The following RARB variants were observed in gnomAD, a reference collection of about 807,000 sequenced individuals.
RARB encodes the protein retinoic acid receptor beta.
A neutral mutation model predicts 51.9 loss-of-function variants in RARB; 17 were observed. The ratio of observed to expected loss-of-function variants is 0.33; its 90% CI spans 0.22 to 0.49. The LOEUF (loss-of-function observed/expected upper bound fraction) is 0.49. Among genes scored for constraint, RARB ranks in the 20% least tolerant of loss-of-function variants. The pLI is 0.99. For synonymous variants in RARB, 215 were observed against 195.4 expected (o/e 1.10, Z -0.84); for missense variants, 369 against 550.8 (o/e 0.67, Z 3.30).
chr3:25,307,713 G>T (rs925837490), intron 5 of RARB, among the ~76,000 whole-genome samples: 4 of 152,158 alleles, frequency 2.6e-5, no homozygotes, highest in African/African-American at 9.7e-5. Context: ...TTTGGCCTCT[G>T]TCACTAGAAT....
chr3:25,033,688 C>T (rs1017613506), intron 2 of RARB, among the ~76,000 whole-genome samples: 3 of 152,164 alleles, frequency 2.0e-5, no homozygotes, highest in African/African-American at 7.2e-5. Context: ...GTGGCTGCAG[C>T]TTTATCTCTG....
chr3:25,058,941 T>TA (rs1698495039), intron 2 of RARB, among the ~76,000 whole-genome samples: 1 of 151,670 alleles, frequency 6.6e-6, no homozygotes, highest in African/African-American at 2.4e-5. Flanking sequence ...ACTTGAAAGT[T>TA]ACAAAAAAAT....
intron 3 of RARB, among the ~76,000 whole-genome samples, chr3:25,115,573 C>CTCCTT (rs952970697): frequency 6.6e-6 from 1 of 151,832 alleles, no homozygotes; most frequent in Admixed American, 6.6e-5. Flanking sequence ...CTCCCCTCCT[C>CTCCTT]TCCTTTCCTT....
intron 5 of RARB, among the ~76,000 whole-genome samples, chr3:25,220,004 C>G (rs1701911096): frequency 1.3e-5 from 2 of 152,174 alleles, no homozygotes; most frequent in South Asian, 4.2e-4. Context: ...TCCTTTTGTT[C>G]TAAAGACAGT....
At chr3:25,341,588 C>A (rs972169777) in intron 5 of RARB, among the ~76,000 whole-genome samples, 1 of 152,068 alleles carries the variant, frequency 6.6e-6, no homozygotes, top group African/African-American at 2.4e-5. Flanking sequence ...GACTGACTCT[C>A]CTATTCATCT....
At chr3:25,349,580 T>C (rs1056559430) in intron 5 of RARB, among the ~76,000 whole-genome samples, 1 of 152,160 alleles carries the variant, frequency 6.6e-6, no homozygotes, top group African/African-American at 2.4e-5. Context: ...ATTTTTCCTG[T>C]ATTTGAGATC....
chr3:25,255,245 G>A (rs1382481321), intron 5 of RARB, among the ~76,000 whole-genome samples: 1 of 152,110 alleles, frequency 6.6e-6, no homozygotes, highest in Non-Finnish European at 1.5e-5. Context: ...ATCAGATCCT[G>A]GATATTTAAT....
intron 2 of RARB, among the ~76,000 whole-genome samples, chr3:24,982,691 C>T (rs1018361639): frequency 9.9e-5 from 15 of 152,176 alleles, no homozygotes; most frequent in African/African-American, 3.6e-4. Flanking sequence ...TTTTGTTTAA[C>T]TCTCCCTCTG....
chr3:25,534,398 T>TA (rs1362117186), intron 3 of RARB, among the ~76,000 whole-genome samples: 1 of 152,206 alleles, frequency 6.6e-6, no homozygotes, highest in Non-Finnish European at 1.5e-5. Context: ...GGTCCTCAGT[T>TA]ACCTTACTGA....
At chr3:25,392,699 A>G (rs1706999921) in intron 5 of RARB, among the ~76,000 whole-genome samples, 1 of 151,978 alleles carries the variant, frequency 6.6e-6, no homozygotes, top group Admixed American at 6.6e-5. Context: ...TGGTCACTGT[A>G]GATGCATAGC....
intron 5 of RARB, among the ~76,000 whole-genome samples, chr3:25,330,280 C>G (rs1448034223): frequency 6.6e-6 from 1 of 152,084 alleles, no homozygotes; most frequent in Non-Finnish European, 1.5e-5. Context: ...TCAGGTTACC[C>G]ACAAAGGGAA....
chr3:25,035,086 T>C (rs913585770), intron 2 of RARB, among the ~76,000 whole-genome samples: 20 of 152,214 alleles, frequency 1.3e-4, no homozygotes, highest in African/African-American at 4.6e-4. Flanking sequence ...TTCAATTTAT[T>C]TAACCCTTAT....
chr3:24,959,403 C>T (rs75490149), intron 2 of RARB, among the ~76,000 whole-genome samples: 1 of 152,214 alleles, frequency 6.6e-6, no homozygotes, highest in Non-Finnish European at 1.5e-5. Flanking sequence ...CACCATCAAG[C>T]CATCCCTCTG....
intron 3 of RARB, among the ~76,000 whole-genome samples, chr3:25,554,344 G>A (rs1368680419): frequency 1.3e-5 from 2 of 152,082 alleles, no homozygotes; most frequent in East Asian, 3.9e-4. Flanking sequence ...TAACAATCAA[G>A]GACGTTTTTT....
chr3:25,257,084 G>T (rs927144499), intron 5 of RARB, among the ~76,000 whole-genome samples: 12 of 152,132 alleles, frequency 7.9e-5, no homozygotes, highest in Admixed American at 5.2e-4. Context: ...CACATTTAAA[G>T]AACATCTGCC....
chr3:25,553,530 C>T (rs1699929333), intron 3 of RARB, among the ~76,000 whole-genome samples: 1 of 152,198 alleles, frequency 6.6e-6, no homozygotes, highest in African/African-American at 2.4e-5. Context: ...TGGAAGAACT[C>T]TCTTTCACAT....
In RARB at chr3:25,106,451, G is replaced by GGTTTT. The variant is rs1575163102; in HGVS notation, c.-327-25710_-327-25709insGTTTT. On this transcript the variant is annotated intron_variant, in intron 3 of 11. Coordinates refer to the RARB transcript ENST00000383772. ...CCACCATGCCCAGCTACTGTTTTTT[G>GGTTTT]TTTTTTGTTTTTTTTTGTTTTGTTT... 8.4e-4 allele frequency among the ~76,000 whole-genome samples: 59 copies of GGTTTT among 70,520 alleles called. 7 individuals are homozygous for GGTTTT. Among genetic ancestry groups the GGTTTT allele is most frequent in the African/African-American group, 2.4e-3 (38 of 16,168 alleles). The allele number at this position is 70,520 out of a possible 152,430, so 46.3% of individuals were successfully genotyped here. A position where few individuals can be genotyped will look rare whatever the true frequency, so the allele number is the denominator to read the frequency against.
At chr3:25,417,198 T>TAAAAAAAAAA (rs35119404) in intron 5 of RARB, among the ~76,000 whole-genome samples, 1 of 141,610 alleles carries the variant, frequency 7.1e-6, no homozygotes. Context: ...AAAAACCAAT[T>TAAAAAAAAAA]AAAAAAAAAA....
chr3:25,081,586 CATATATATATATATAT>C (rs1161956011), intron 3 of RARB, among the ~76,000 whole-genome samples: 1,181 of 19,632 alleles, frequency 0.06, 122 homozygotes, highest in Middle Eastern at 0.11. Context: ...GCTTCATATA[CATATATATATATATAT>C]ATATATATAT....
Sources: gnomAD v4.1 joint callset for allele counts (sites outside exome capture counted in the v4.1 genomes callset) on GRCh38, gnomAD v4.1.1 for gene constraint, MANE v1.5 for transcripts, NCBI Gene and HGNC (gene_info 2026-07-23, HGNC 2026-07-21) for gene names.